The following ETFDH variants were observed in gnomAD, a reference collection of about 807,000 sequenced individuals.
The protein encoded by ETFDH is electron transfer flavoprotein-ubiquinone oxidoreductase, mitochondrial.
ETFDH carries 61 observed loss-of-function variants against 73.2 expected under a neutral mutation model. That is an observed-to-expected ratio of 0.83 (90% CI 0.68 to 1.03). ETFDH has a LOEUF of 1.03. ETFDH is among the 50% of genes least tolerant of loss of function. The pLI, the probability that ETFDH is intolerant of heterozygous loss-of-function variation, is 0.00. For synonymous variants in ETFDH, 243 were observed against 253.3 expected, an observed-to-expected ratio of 0.96 and a Z score of 0.39; for missense variants, 685 against 745.0, an observed-to-expected ratio of 0.92 and a Z score of 0.94.
chr4:158,689,010 T>C lies in ETFDH; in HGVS notation c.607-1338T>C, dbSNP rs904666734. On this transcript the variant is annotated intron_variant, in intron 5 of 12. Transcript: ENST00000511912. Reference sequence around the variant, plus strand: ...GGAAGACAGGAGGCATCCTTCTTGGTGTTCCATTTCAAAGCAATGGCTCCA... The same window carrying C: ...GGAAGACAGGAGGCATCCTTCTTGGCGTTCCATTTCAAAGCAATGGCTCCA... Among the ~76,000 whole-genome samples, 4 of 152,188 alleles carry C rather than the reference T, an allele frequency of 2.6e-5. No individual in the cohort carries two copies. The South Asian group carries it at 8.3e-4, about 32-fold the overall frequency.
At chr4:158,706,153 A>C (rs1304502175) in intron 10 of ETFDH, 36 bp from the exon 11 acceptor site, 3 of 1,385,778 alleles carry the variant, frequency 2.2e-6, no homozygotes, top group Non-Finnish European at 2.1e-6. Context: ...ACATTTGGGC[A>C]GTTTCGCACT....
At chr4:158,676,764 T>C (rs1580391194) in intron 1 of ETFDH, among the ~76,000 whole-genome samples, 1 of 148,848 alleles carries the variant, frequency 6.7e-6, no homozygotes, top group East Asian at 1.9e-4. Context: ...GTGGATGTAA[T>C]AGTACCTCAT....
intron 1 of ETFDH, among the ~76,000 whole-genome samples, chr4:158,675,768 CAAA>C (rs199648174): frequency 1.7e-4 from 13 of 78,708 alleles, no homozygotes; most frequent in Admixed American, 1.4e-4. Context: ...GACCCTGTCT[CAAA>C]AAAAAAAAAA....
intron 10 of ETFDH, among the ~76,000 whole-genome samples, chr4:158,704,109 AAAAAG>A (rs986530381): frequency 6.6e-6 from 1 of 152,238 alleles, no homozygotes; most frequent in African/African-American, 2.4e-5. Context: ...CCCACACACA[AAAAAG>A]AAAAGAACCA....
chr4:158,689,242 C>T (rs1273038822), intron 5 of ETFDH, among the ~76,000 whole-genome samples: 2 of 152,076 alleles, frequency 1.3e-5, no homozygotes, highest in South Asian at 2.1e-4. Flanking sequence ...CTGTATTATA[C>T]TTGCTGCTAT....
In ETFDH at chr4:158,682,558, A is replaced by C. The variant is rs561698553; in HGVS notation, c.405+134A>C. On this transcript the variant is annotated intron_variant, in intron 3 of 12. Transcript: ENST00000511912. The stretch of plus-strand genomic sequence containing the variant: ...TTTTTTTTTTCTTTTTTTGAGATGG[A>C]GTTTCACTCTTGTTGCCCAGGCTGG... The C allele has an allele frequency of 9.4e-4, 675 of 717,584 alleles. 4 individuals carry two copies. The highest frequency in any genetic ancestry group is 6.3e-3 in the Middle Eastern group (16 of 2,522). The allele number at this position is 717,584 out of a possible 1,614,324, so 44.5% of individuals were successfully genotyped here.
At chr4:158,674,314 T>G (rs945916118) in intron 1 of ETFDH, among the ~76,000 whole-genome samples, 9 of 152,146 alleles carry the variant, frequency 5.9e-5, no homozygotes, top group African/African-American at 1.7e-4. Context: ...TTTTGTTTTT[T>G]GGGGTTTTTT....
intron 11 of ETFDH, 38 bp downstream of exon 11, chr4:158,706,409 A>G: frequency 6.7e-7 from 1 of 1,484,820 alleles, no homozygotes; most frequent in Non-Finnish European, 9.4e-7. Context: ...TGATCATTAA[A>G]AATTCATGAA....
At chr4:158,706,479 A>T in intron 11 of ETFDH, 108 bp downstream of exon 11, 1 of 1,129,698 alleles carries the variant, frequency 8.9e-7, no homozygotes, top group Non-Finnish European at 1.3e-6. Flanking sequence ...AGAAATTATA[A>T]ATTTAGTGTC....
intron 9 of ETFDH, among the ~76,000 whole-genome samples, chr4:158,699,840 ATAATG>A (rs1340570053): frequency 6.6e-6 from 1 of 152,190 alleles, no homozygotes; most frequent in East Asian, 1.9e-4. Flanking sequence ...CTTCTCAAAT[ATAATG>A]TATTCAGTAT....
chr4:158,693,455 G>A (rs545324048), intron 6 of ETFDH, among the ~76,000 whole-genome samples: 6 of 152,244 alleles, frequency 3.9e-5, no homozygotes, highest in South Asian at 2.1e-4. Flanking sequence ...GTGGCTCCAC[G>A]GCCTGTCCCT....
chr4:158,687,623 T>C (rs1356428575), intron 5 of ETFDH, among the ~76,000 whole-genome samples: 1 of 152,234 alleles, frequency 6.6e-6, no homozygotes, highest in Non-Finnish European at 1.5e-5. Context: ...TCATGTCTAG[T>C]GTAGAACTGT....
At chr4:158,699,181 T>C in intron 9 of ETFDH, 51 bp downstream of exon 9, 1 of 1,439,182 alleles carries the variant, frequency 6.9e-7, no homozygotes, top group African/African-American at 1.4e-5. Context: ...AAATTCAGAA[T>C]TGAACATATA....
Position 158,680,555 on chromosome 4 carries a change from A to C in ETFDH, c.123A>C (p.Arg41=). The C allele has an allele frequency of 6.2e-7, 1 of 1,608,360 alleles. No individual in the cohort carries two copies. Among genetic ancestry groups the C allele is most frequent in the Non-Finnish European group, 8.5e-7 (1 of 1,174,872 alleles). The change falls in exon 2 of 13, where the codon CGA becomes CGC. Residue 41 remains arginine, a synonymous_variant. Coordinates refer to ENST00000511912, the MANE Select transcript of ETFDH (RefSeq NM_004453.4). ...GGTCTTCAACTTCTACTGTGCCTCG[A>C]ATTACTACCCATTATACTATTTATC... The part of the protein sequence containing the change: ...TRWSSTSTVP[R]ITTHYTIYPR...
intron 9 of ETFDH, among the ~76,000 whole-genome samples, chr4:158,702,191 T>C (rs1774482554): frequency 1.3e-5 from 2 of 151,870 alleles, no homozygotes; most frequent in African/African-American, 4.8e-5. Flanking sequence ...AATTTTCAGG[T>C]CCACTTAATT....
intron 5 of ETFDH, among the ~76,000 whole-genome samples, chr4:158,687,388 ATT>A (rs1774033029): frequency 6.6e-6 from 1 of 152,154 alleles, no homozygotes; most frequent in Non-Finnish European, 1.5e-5. Flanking sequence ...AAAGCACCAT[ATT>A]TTGGGATATC....
intron 5 of ETFDH, among the ~76,000 whole-genome samples, chr4:158,688,317 G>A (rs1346685340): frequency 2.7e-4 from 40 of 149,772 alleles, no homozygotes; most frequent in African/African-American, 9.1e-4. Flanking sequence ...ACTTGAACCC[G>A]GGAGGCAGAG....
intron 5 of ETFDH, among the ~76,000 whole-genome samples, chr4:158,685,579 T>C (rs185918179): frequency 6.6e-6 from 1 of 152,334 alleles, no homozygotes; most frequent in Admixed American, 6.5e-5. Context: ...CTGCTCTCTC[T>C]TCCTCCCTAT....
intron 3 of ETFDH, among the ~76,000 whole-genome samples, chr4:158,683,725 G>A (rs1024801610): frequency 6.6e-5 from 10 of 151,846 alleles, no homozygotes; most frequent in Admixed American, 2.0e-4. Flanking sequence ...GATTACAGGC[G>A]TGCACCACCA....
Sources: allele counts gnomAD v4.1 joint callset (sites outside exome capture counted in the v4.1 genomes callset), GRCh38; gene constraint gnomAD v4.1.1; transcripts MANE v1.5; gene names NCBI Gene and HGNC (gene_info 2026-07-23, HGNC 2026-07-21).